The following TACC2 variants were observed in gnomAD, a reference collection of about 807,000 sequenced individuals.
The protein encoded by TACC2 is transforming acidic coiled-coil containing protein 2.
A neutral mutation model predicts 227.3 loss-of-function variants in TACC2; 137 were observed. The observed-to-expected ratio is 0.60, with a 90% CI of 0.52 to 0.69. The LOEUF (loss-of-function observed/expected upper bound fraction) is 0.69, where lower values mean the gene tolerates loss of function less well. TACC2 is among the 30% of genes least tolerant of loss of function. TACC2 has a pLI of 0.00. For synonymous variants in TACC2, 1,523 were observed against 1,487.5 expected (o/e 1.02, Z -0.55); for missense variants, 3,470 against 3,694.4 (o/e 0.94, Z 1.57).
At chr10:122,002,431 T>G (rs533444502) in intron 1 of TACC2, among the ~76,000 whole-genome samples, 34 of 147,738 alleles carry the variant, frequency 2.3e-4, no homozygotes, top group African/African-American at 8.0e-4. Flanking sequence ...GCTTTGTAGT[T>G]TTTGTCTGTG....
chr10:122,078,488 G>T, intron 3 of TACC2, among the ~76,000 whole-genome samples: 1 of 152,130 alleles, frequency 6.6e-6, no homozygotes, highest in Non-Finnish European at 1.5e-5. Flanking sequence ...CCCTGCCCAT[G>T]CTTCTCCCTT....
At chr10:122,119,989 C>T (rs2085421832) in intron 5 of TACC2, among the ~76,000 whole-genome samples, 1 of 152,134 alleles carries the variant, frequency 6.6e-6, no homozygotes, top group Non-Finnish European at 1.5e-5. Context: ...CCTTGTCCTC[C>T]CGGAGTAATT....
At position 122,082,793 on chromosome 10, in the gene TACC2, C is replaced by A; in HGVS notation, c.293C>A (p.Pro98Gln). 6.2e-7 allele frequency: 1 copy of A among 1,613,816 alleles called. No individual in the cohort carries two copies. Among genetic ancestry groups the A allele is most frequent in the Non-Finnish European group, 8.5e-7 (1 of 1,180,002 alleles). ...CCAGAAGGTTCTTTGCTGCCCAGCC[C>A]ACCACCGTCCCAGGAGCGAGAGCAC... Reference protein sequence around the residue: ...RGPEGSLLPSPPPSQEREHPS... With the variant: ...RGPEGSLLPSQPPSQEREHPS... Residue 98 changes from proline (P) to glutamine (Q), a missense_variant, in exon 4 of 23, where the codon CCA becomes CAA. Pro to Gln is a moderately conservative substitution (Grantham distance 76). Transcript: ENST00000369005.
chr10:122,223,794 C>A (rs531937281), intron 11 of TACC2, among the ~76,000 whole-genome samples: 8 of 152,262 alleles, frequency 5.3e-5, no homozygotes, highest in African/African-American at 1.9e-4. Flanking sequence ...GATGGATTGC[C>A]ACTGATGCTT....
At chr10:122,149,196 G>T (rs2091762562) in intron 7 of TACC2, among the ~76,000 whole-genome samples, 1 of 152,242 alleles carries the variant, frequency 6.6e-6, no homozygotes, top group Non-Finnish European at 1.5e-5. Flanking sequence ...AGCTGAGTGG[G>T]TGTGGGTGTG....
chr10:122,177,706 C>T (rs2093787809), intron 7 of TACC2, among the ~76,000 whole-genome samples: 1 of 152,168 alleles, frequency 6.6e-6, no homozygotes. Context: ...TGATCGCAAA[C>T]AAACAGGATT....
intron 1 of TACC2, among the ~76,000 whole-genome samples, chr10:121,991,235 A>G (rs1565012150): frequency 1.3e-5 from 2 of 152,166 alleles, no homozygotes; most frequent in East Asian, 1.9e-4. Flanking sequence ...AACCTTAAAC[A>G]TTGTATATTT....
At chr10:122,071,061 A>T (rs1464392843) in intron 3 of TACC2, among the ~76,000 whole-genome samples, 1 of 152,252 alleles carries the variant, frequency 6.6e-6, no homozygotes, top group Non-Finnish European at 1.5e-5. Flanking sequence ...TTTTTCCATG[A>T]AGCACTAGCA....
chr10:122,117,975 A>G (rs895587760), intron 5 of TACC2, among the ~76,000 whole-genome samples: 2 of 151,312 alleles, frequency 1.3e-5, no homozygotes, highest in Non-Finnish European at 2.9e-5. Flanking sequence ...TTCACACAGA[A>G]CAGGAAAAGA....
Position 122,150,534 on chromosome 10 carries a change from C to G in TACC2, c.5834+6828C>G, listed in dbSNP as rs2091930779. 6.6e-6 allele frequency among the ~76,000 whole-genome samples: 1 copy of G among 152,158 alleles called. No individual in the cohort carries two copies. The highest frequency in any genetic ancestry group is 6.5e-5 in the Admixed American group (1 of 15,286). On this transcript the variant is annotated intron_variant, in intron 7 of 22. Transcript: ENST00000369005. This position sits in a 1 kb window ranked among gnomAD's most constrained non-coding sequence, Gnocchi z 4.0. ...CAAGCCAAATGCGTGCTCTCCAGCC[C>G]TCAGACCCAGTGGAGGTGCAGAAAG...
intron 2 of TACC2, among the ~76,000 whole-genome samples, chr10:122,049,057 G>A (rs1283944775): frequency 6.6e-6 from 1 of 152,224 alleles, no homozygotes; most frequent in Non-Finnish European, 1.5e-5. Flanking sequence ...TTTGACCAGG[G>A]AGTACTTTGT....
chr10:122,164,562 CTG>C (rs2093035244), intron 7 of TACC2, among the ~76,000 whole-genome samples: 1 of 152,248 alleles, frequency 6.6e-6, no homozygotes, highest in Non-Finnish European at 1.5e-5. Context: ...CAGTGCTTGA[CTG>C]TGCATCGATC....
At position 122,210,815 on chromosome 10, in the gene TACC2, G is replaced by A. The variant is rs139376398; in HGVS notation, c.6390G>A (p.Pro2130=). 1.5e-5 allele frequency: 24 copies of A among 1,612,012 alleles called. No individual in the cohort carries two copies. The highest frequency in any genetic ancestry group is 2.2e-5 in the East Asian group (1 of 44,852). The change falls in exon 9 of 23, where the codon CCG becomes CCA. Residue 2130 remains proline (P), a synonymous_variant. Transcript: ENST00000369005. This position sits in a 1 kb window ranked among gnomAD's most constrained non-coding sequence, Gnocchi z 4.6. ...ASSTLKRTKK[P]RPPSLKKKQT... is the part of the protein sequence containing the mutation. The stretch of plus-strand genomic sequence containing the variant: ...GTACCCTTAAGCGAACTAAAAAACC[G>A]AGGCCGCCTTCCTTAAAAAAGAAAC...
chr10:122,065,140 C>G (rs1440594313), intron 3 of TACC2, among the ~76,000 whole-genome samples: 1 of 152,104 alleles, frequency 6.6e-6, no homozygotes, highest in Non-Finnish European at 1.5e-5. Context: ...ACCATCTTAA[C>G]CGTTTCTAAG....
rs1455871245 is a variant in TACC2 at position 122,226,362 on chromosome 10, G to A, written c.7609-4G>A. 5.6e-6 allele frequency: 9 copies of A among 1,610,852 alleles called. No individual in the cohort carries two copies. The highest frequency in any genetic ancestry group is 1.7e-6 in the Non-Finnish European group (2 of 1,177,462). On this transcript the variant is annotated splice_polypyrimidine_tract_variant and splice_region_variant and intron_variant, in intron 12 of 22. Coordinates refer to ENST00000369005, the MANE Select transcript of TACC2 (RefSeq NM_206862.4). ...AAGCTGATATGTGATTTTGATCCCT[G>A]CAGCAGGACGACGATGCCCCGAAGA...
chr10:122,222,237 G>A (rs1462063814), intron 11 of TACC2, among the ~76,000 whole-genome samples: 4 of 152,224 alleles, frequency 2.6e-5, no homozygotes, highest in Non-Finnish European at 5.9e-5. Context: ...AGGATTTGAA[G>A]CAGATGAGTG....
At chr10:122,160,538 T>TG (rs71482691) in intron 7 of TACC2, among the ~76,000 whole-genome samples, 39,971 of 150,684 alleles carry the variant, frequency 0.27, 5,850 homozygotes, top group Non-Finnish European at 0.33. Flanking sequence ...AGTGTGTGTG[T>TG]GGGGGGGGTC....
chr10:122,087,668 A>T lies in TACC2; in HGVS notation c.5168A>T (p.Asp1723Val). 1 of 1,613,386 alleles carries T rather than the reference A, an allele frequency of 6.2e-7. No individual in the cohort carries two copies. The highest frequency in any genetic ancestry group is 8.5e-7 in the Non-Finnish European group (1 of 1,179,984). Residue 1723 changes from aspartate to valine, a missense_variant, in exon 4 of 23, where the codon GAT (aspartate) becomes GTT (valine). Coordinates refer to ENST00000369005, the MANE Select transcript of TACC2 (RefSeq NM_206862.4). ...GAGACACAGGCATGTGCGTCCGGTG[A>T]TCTGCCTGAAGCAGGTACTACGAGG... Reference protein sequence around the residue: ...TAETQACASGDLPEAGTTRTF... With the variant: ...TAETQACASGVLPEAGTTRTF...
chr10:122,060,109 A>T (rs972758660), intron 3 of TACC2, among the ~76,000 whole-genome samples: 3 of 152,182 alleles, frequency 2.0e-5, no homozygotes, highest in African/African-American at 7.2e-5. Flanking sequence ...GGCCTTGCAA[A>T]GGGCTTAAGG....
Sources: gnomAD v4.1 joint callset for allele counts (sites outside exome capture counted in the v4.1 genomes callset) on GRCh38, gnomAD v4.1.1 for gene constraint, Gnocchi (gnomAD v3.1) non-coding constraint, MANE v1.5 for transcripts, NCBI Gene and HGNC (gene_info 2026-07-23, HGNC 2026-07-21) for gene names.